The following HDAC4 variants were observed in gnomAD, a reference collection of about 807,000 sequenced individuals.
HDAC4 encodes the protein histone deacetylase A.
Under a neutral mutation model 135.1 loss-of-function variants are expected in HDAC4, and 16 were observed. That is an observed-to-expected ratio of 0.12 (90% CI 0.08 to 0.18). HDAC4 has a LOEUF of 0.18. Among genes scored for constraint, HDAC4 ranks in the 10% least tolerant of loss-of-function variants. The pLI is 1.00. For synonymous variants in HDAC4, 685 were observed against 653.4 expected (o/e 1.05, Z -0.74); for missense variants, 1,143 against 1,511.8 (o/e 0.76, Z 4.05).
chr2:239,252,939 C>T (rs1287130521), intron 2 of HDAC4, among the ~76,000 whole-genome samples: 1 of 152,274 alleles, frequency 6.6e-6, no homozygotes, highest in African/African-American at 2.4e-5. Flanking sequence ...GCTTCGCCGG[C>T]CACCGGTTTT....
chr2:239,113,802 G>C (rs765397017), intron 13 of HDAC4, among the ~76,000 whole-genome samples: 1 of 152,164 alleles, frequency 6.6e-6, no homozygotes. Flanking sequence ...ATGAAGCACC[G>C]TGTGTGTGCC....
At position 239,313,718 on chromosome 2, in the gene HDAC4, C is replaced by T. The variant is rs2052993318; in HGVS notation, c.22+38960G>A. Among the ~76,000 whole-genome samples the T allele has an allele frequency of 1.3e-5, 2 of 152,204 alleles. No homozygotes were observed. The highest frequency in any genetic ancestry group is 2.1e-4 in the South Asian group (1 of 4,830). On this transcript the variant is annotated intron_variant, in intron 2 of 26. Coordinates refer to ENST00000543185, the MANE Select transcript of HDAC4 (RefSeq NM_001378414.1). The surrounding 1 kb of genome is among the most constrained non-coding windows in gnomAD (Gnocchi z 5.1). The stretch of plus-strand genomic sequence containing the variant: ...TGACAGAAAGGAAGATTCAGAAAAG[C>T]CTTCACGCCTGGCAATATGGCACAC...
chr2:239,087,053 C>G (rs1348860754), intron 19 of HDAC4, among the ~76,000 whole-genome samples: 1 of 152,236 alleles, frequency 6.6e-6, no homozygotes, highest in African/African-American at 2.4e-5. Context: ...ACTCGCCACC[C>G]TGCCCAGATC....
At chr2:239,196,601 T>G (rs1382873908) in intron 3 of HDAC4, among the ~76,000 whole-genome samples, 1 of 152,148 alleles carries the variant, frequency 6.6e-6, no homozygotes, top group African/African-American at 2.4e-5. Flanking sequence ...GACCAGAGCT[T>G]CTTCTGGGGT....
intron 22 of HDAC4, among the ~76,000 whole-genome samples, chr2:239,076,436 A>G (rs2034773257): frequency 6.6e-6 from 1 of 152,256 alleles, no homozygotes; most frequent in African/African-American, 2.4e-5. Context: ...ATCTAAATGC[A>G]ATAATTCACT....
At chr2:239,237,348 A>G (rs1482145435) in intron 2 of HDAC4, among the ~76,000 whole-genome samples, 1 of 152,114 alleles carries the variant, frequency 6.6e-6, no homozygotes, top group East Asian at 1.9e-4. Flanking sequence ...AGCAGAAAGG[A>G]AAGAAAACTC....
Position 239,189,851 on chromosome 2 carries a change from C to T in HDAC4, c.321G>A (p.Gln107=), listed in dbSNP as rs377723167. 1.9e-6 allele frequency: 3 copies of T among 1,608,046 alleles called. No homozygotes were observed. Among genetic ancestry groups the T allele is most frequent in the Non-Finnish European group, 2.5e-6 (3 of 1,179,760 alleles). ...HEQLSRQHEA[Q]LHEHIKQQQE... is the part of the protein sequence containing the mutation. ...GCCTCACCTTGATGTGCTCGTGGAGCTGCGCCTCGTGCTGCCGGGAGAGCT... is the reference window on the plus strand; with the variant it reads ...GCCTCACCTTGATGTGCTCGTGGAGTTGCGCCTCGTGCTGCCGGGAGAGCT... The change falls in exon 4 of 27, where the codon CAG becomes CAA. Residue 107 remains glutamine, a synonymous_variant. Transcript: ENST00000543185.
rs1371001883 is a variant in HDAC4 at position 239,121,915 on chromosome 2, G to A, written c.1533+4541C>T. Among the ~76,000 whole-genome samples, 11 of 152,360 alleles carry A rather than the reference G, an allele frequency of 7.2e-5. No homozygotes were observed. The East Asian group carries it at 2.1e-3, about 29-fold the overall frequency. ...CTGTGGGCTGGGGCTGCACTGCAGA[G>A]CTGGCTTTGGGAGGTGAGCCGGACG... On this transcript the variant is annotated intron_variant, in intron 12 of 26. Coordinates refer to ENST00000543185, the MANE Select transcript of HDAC4 (RefSeq NM_001378414.1).
At chr2:239,274,651 C>T (rs56777251) in intron 2 of HDAC4, among the ~76,000 whole-genome samples, 20,683 of 152,292 alleles carry the variant, frequency 0.14, 2,001 homozygotes, top group East Asian at 0.44. Context: ...AGCTGGGGGG[C>T]CCTGGGAACC....
intron 2 of HDAC4, among the ~76,000 whole-genome samples, chr2:239,269,893 C>G (rs1272268728): frequency 6.6e-6 from 1 of 152,328 alleles, no homozygotes. Context: ...AAGGCTGGCT[C>G]GGATCTCATC....
In HDAC4 at chr2:239,396,407, A is replaced by T. The variant is rs181583045; in HGVS notation, c.-220+4571T>A. ...AGGAAATTTCCATACATTAACTTAAACTTTGCAAAAACCTTACAAAATAGA... is the reference window on the plus strand; with the variant it reads ...AGGAAATTTCCATACATTAACTTAATCTTTGCAAAAACCTTACAAAATAGA... On this transcript the variant is annotated intron_variant, in intron 1 of 26. Transcript: ENST00000543185. Among the ~76,000 whole-genome samples the T allele has an allele frequency of 8.9e-4, 136 of 152,262 alleles. 1 individual carries two copies. The highest frequency in any genetic ancestry group is 3.1e-3 in the African/African-American group (128 of 41,556).
At chr2:239,144,851 G>T in intron 7 of HDAC4, 137 bp from the exon 8 acceptor site, 2 of 847,674 alleles carry the variant, frequency 2.4e-6, no homozygotes, top group Non-Finnish European at 3.9e-6. Context: ...AGGGGAGAGC[G>T]CAGGGAGCTC....
At chr2:239,317,078 T>C (rs1488332078) in intron 2 of HDAC4, among the ~76,000 whole-genome samples, 1 of 152,178 alleles carries the variant, frequency 6.6e-6, no homozygotes, top group East Asian at 1.9e-4. Context: ...ATCTGGACCA[T>C]ACGCCTTCAG....
chr2:239,138,037 A>G (rs3791473), intron 9 of HDAC4, among the ~76,000 whole-genome samples: 37,227 of 152,152 alleles, frequency 0.24, 5,655 homozygotes, highest in African/African-American at 0.43. Flanking sequence ...AAATAAAAAC[A>G]TGTATCTAGG....
At chr2:239,177,853 A>G (rs2043871749) in intron 4 of HDAC4, among the ~76,000 whole-genome samples, 3 of 152,258 alleles carry the variant, frequency 2.0e-5, no homozygotes, top group African/African-American at 7.2e-5. Context: ...ACTAGTGAAC[A>G]CTTCCCATTT....
At chr2:239,260,676 G>A (rs868230142) in intron 2 of HDAC4, among the ~76,000 whole-genome samples, 1 of 152,148 alleles carries the variant, frequency 6.6e-6, no homozygotes, top group Admixed American at 6.5e-5. Context: ...CTCTGCTCCT[G>A]CAGCCTGCAA....
At chr2:239,366,306 G>A (rs568705434) in intron 1 of HDAC4, among the ~76,000 whole-genome samples, 4 of 152,384 alleles carry the variant, frequency 2.6e-5, no homozygotes, top group South Asian at 4.1e-4. Context: ...TGGCACTGGC[G>A]GACACAGACA....
chr2:239,085,573 G>C (rs181028617), intron 19 of HDAC4, among the ~76,000 whole-genome samples: 1 of 152,296 alleles, frequency 6.6e-6, no homozygotes, highest in African/African-American at 2.4e-5. Flanking sequence ...AATTAGAAAA[G>C]AAACTTCAGA....
chr2:239,196,557 G>A (rs1008823282), intron 3 of HDAC4, among the ~76,000 whole-genome samples: 1 of 152,202 alleles, frequency 6.6e-6, no homozygotes, highest in Non-Finnish European at 1.5e-5. Context: ...GGACAGTCTC[G>A]AGTCCGAGTC....
Sources: allele counts gnomAD v4.1 joint callset (sites outside exome capture counted in the v4.1 genomes callset), GRCh38; gene constraint gnomAD v4.1.1; non-coding constraint Gnocchi (gnomAD v3.1); transcripts MANE v1.5; gene names NCBI Gene and HGNC (gene_info 2026-07-23, HGNC 2026-07-21).